Variants in CSMD1 observed in about 807,000 individuals in gnomAD.
CSMD1 encodes CUB and Sushi multiple domains 1.
CSMD1 carries 213 observed loss-of-function variants against 417.5 expected under a neutral mutation model. The ratio of observed to expected loss-of-function variants is 0.51; its 90% CI spans 0.46 to 0.57. The LOEUF is 0.57. CSMD1 is among the 20% of genes least tolerant of loss of function. The probability of loss-of-function intolerance (pLI) is 0.00; values close to 1 mark genes in which losing one functional copy is unlikely to be tolerated. For synonymous variants in CSMD1, 2,862 were observed against 1,736.8 expected, an observed-to-expected ratio of 1.65 and a Z score of -16.11; for missense variants, 6,923 against 4,529.7, an observed-to-expected ratio of 1.53 and a Z score of -15.17.
intron 7 of CSMD1, among the ~76,000 whole-genome samples, chr8:3,673,475 T>G (rs1799193066): frequency 6.6e-6 from 1 of 152,214 alleles, no homozygotes; most frequent in Non-Finnish European, 1.5e-5. Flanking sequence ...AGCAAGAATG[T>G]GTTTAACAAC....
intron 3 of CSMD1, among the ~76,000 whole-genome samples, chr8:4,301,350 T>C (rs1050526095): frequency 6.6e-6 from 1 of 152,210 alleles, no homozygotes; most frequent in African/African-American, 2.4e-5. Context: ...GCTTTTGCTT[T>C]GACTGTACCA....
intron 3 of CSMD1, among the ~76,000 whole-genome samples, chr8:4,194,722 T>C (rs1425837720): frequency 6.6e-6 from 1 of 152,118 alleles, no homozygotes; most frequent in Non-Finnish European, 1.5e-5. Flanking sequence ...CTTCAAATTA[T>C]GCTTAACAGA....
chr8:4,912,795 T>TG (rs766166964), intron 1 of CSMD1, among the ~76,000 whole-genome samples: 11 of 120,530 alleles, frequency 9.1e-5, no homozygotes, highest in African/African-American at 3.0e-4. Flanking sequence ...CTATTTTTTT[T>TG]GGAGGGGGGG....
chr8:4,075,749 C>G (rs1440039755), intron 3 of CSMD1, among the ~76,000 whole-genome samples: 4 of 152,012 alleles, frequency 2.6e-5, no homozygotes, highest in African/African-American at 9.7e-5. Context: ...TTGTGTGTCC[C>G]TTTCAGAATT....
intron 2 of CSMD1, among the ~76,000 whole-genome samples, chr8:4,636,216 G>T (rs1035790124): frequency 4.6e-5 from 7 of 152,102 alleles, no homozygotes; most frequent in African/African-American, 1.4e-4. Flanking sequence ...AGGAAAATCT[G>T]ATTTCTTTGG....
intron 3 of CSMD1, among the ~76,000 whole-genome samples, chr8:4,104,646 G>A (rs552911236): frequency 6.6e-6 from 1 of 152,272 alleles, no homozygotes; most frequent in East Asian, 1.9e-4. Flanking sequence ...GTCATACATG[G>A]GAAAGAGCTG....
chr8:4,086,342 T>C (rs1196385538), intron 3 of CSMD1, among the ~76,000 whole-genome samples: 3 of 152,194 alleles, frequency 2.0e-5, no homozygotes, highest in African/African-American at 7.2e-5. Context: ...TAAGCACTAA[T>C]TCTTTAATAC....
chr8:3,954,608 C>T (rs1443252393), intron 5 of CSMD1, among the ~76,000 whole-genome samples: 1 of 152,196 alleles, frequency 6.6e-6, no homozygotes, highest in East Asian at 1.9e-4. Flanking sequence ...GTGATCCGCC[C>T]ACCTTGGCCT....
At chr8:3,059,053 A>G (rs1035671800) in intron 49 of CSMD1, among the ~76,000 whole-genome samples, 1 of 151,960 alleles carries the variant, frequency 6.6e-6, no homozygotes, top group African/African-American at 2.4e-5. Context: ...ACCCTGCGCT[A>G]AAGTGAGAAT....
chr8:4,984,208 C>A (rs1231801554), intron 1 of CSMD1, among the ~76,000 whole-genome samples: 1 of 152,164 alleles, frequency 6.6e-6, no homozygotes, highest in Non-Finnish European at 1.5e-5. Flanking sequence ...GCAAGAGTAA[C>A]CATCACAGGA....
chr8:4,916,296 T>C (rs1806064438), intron 1 of CSMD1, among the ~76,000 whole-genome samples: 1 of 152,204 alleles, frequency 6.6e-6, no homozygotes, highest in African/African-American at 2.4e-5. Context: ...AAGAACTTGC[T>C]CTTCACATCA....
chr8:4,213,308 C>A (rs1432641616), intron 3 of CSMD1, among the ~76,000 whole-genome samples: 1 of 152,130 alleles, frequency 6.6e-6, no homozygotes, highest in Non-Finnish European at 1.5e-5. Context: ...TCACACCACA[C>A]CTCTCTGCTC....
At chr8:4,786,976 C>G (rs1443578512) in intron 1 of CSMD1, among the ~76,000 whole-genome samples, 1 of 152,172 alleles carries the variant, frequency 6.6e-6, no homozygotes, top group Non-Finnish European at 1.5e-5. Context: ...TGTTGGTATA[C>G]TAACTGAAGA....
chr8:2,953,541 A>G (rs1802787357), intron 65 of CSMD1, among the ~76,000 whole-genome samples: 1 of 151,964 alleles, frequency 6.6e-6, no homozygotes, highest in Admixed American at 6.6e-5. Context: ...TCTGTTTCTG[A>G]TAAAACAACA....
chr8:3,325,818 C>T (rs1008042502), intron 23 of CSMD1, among the ~76,000 whole-genome samples: 5 of 151,802 alleles, frequency 3.3e-5, no homozygotes, highest in African/African-American at 4.8e-5. Context: ...AGTGAGGCTC[C>T]GTCTCAAACA....
At chr8:3,519,938 AAT>A (rs149001390) in intron 10 of CSMD1, among the ~76,000 whole-genome samples, 1,621 of 151,828 alleles carry the variant, frequency 0.011, 31 homozygotes, top group African/African-American at 0.037. Context: ...ACTCAACGCT[AAT>A]ATAATTTCGC....
chr8:3,145,043 T>TTGTGTGTGTGTGTGTGTG (rs34827109), intron 40 of CSMD1, among the ~76,000 whole-genome samples: 9 of 146,714 alleles, frequency 6.1e-5, no homozygotes, highest in Non-Finnish European at 8.9e-5. Flanking sequence ...GAGTAAAGAG[T>TTGTGTGTGTGTGTGTGTG]TGTGTGTGTG....
chr8:2,967,466 G>A (rs1423424546), intron 57 of CSMD1, among the ~76,000 whole-genome samples: 1 of 152,114 alleles, frequency 6.6e-6, no homozygotes, highest in African/African-American at 2.4e-5. Context: ...ACGCTCTTTA[G>A]TCAGTAAACA....
chr8:3,889,800 C>A (rs1806832074), intron 5 of CSMD1, among the ~76,000 whole-genome samples: 1 of 151,940 alleles, frequency 6.6e-6, no homozygotes, highest in Non-Finnish European at 1.5e-5. Context: ...ATCCCATACT[C>A]TTCTGTTGCA....
Sources: allele counts gnomAD v4.1 joint callset (sites outside exome capture counted in the v4.1 genomes callset), GRCh38; gene constraint gnomAD v4.1.1; transcripts MANE v1.5; gene names NCBI Gene and HGNC (gene_info 2026-07-23, HGNC 2026-07-21).